Variants in AR observed in about 807,000 individuals in gnomAD.
The protein encoded by AR is androgen receptor.
AR carries 8 observed loss-of-function variants against 53.9 expected under a neutral mutation model. That is an observed-to-expected ratio of 0.15 (90% CI 0.09 to 0.27). The LOEUF (loss-of-function observed/expected upper bound fraction) is 0.27, where lower values mean the gene tolerates loss of function less well. Among genes scored for constraint, AR ranks in the 10% least tolerant of loss-of-function variants. AR has a pLI of 1.00. For missense variants in AR, 639 were observed against 742.5 expected, an observed-to-expected ratio of 0.86 and a Z score of 1.62; for synonymous variants, 359 against 316.4, an observed-to-expected ratio of 1.13 and a Z score of -1.43.
chrX:67,684,127 C>G (rs901431852), intron 2 of AR, among the ~76,000 whole-genome samples: 1 of 111,489 alleles, frequency 9.0e-6, no homozygotes, highest in Non-Finnish European at 1.9e-5. Context: ...TGCAGCAGTA[C>G]CAATACTGTG....
intron 2 of AR, among the ~76,000 whole-genome samples, chrX:67,672,910 C>T (rs946447951): frequency 1.8e-5 from 2 of 111,740 alleles, no homozygotes; most frequent in South Asian, 7.4e-4. Context: ...GATTAAAGAG[C>T]TCCCTTTAGC....
intron 1 of AR, among the ~76,000 whole-genome samples, chrX:67,618,464 G>C (rs1485893214): frequency 9.0e-6 from 1 of 111,009 alleles, no homozygotes; most frequent in East Asian, 2.8e-4. Context: ...AGAATGAGAG[G>C]AGAAGGAAGA....
At chrX:67,655,213 G>A (rs1926531028) in intron 2 of AR, among the ~76,000 whole-genome samples, 1 of 110,225 alleles carries the variant, frequency 9.1e-6, no homozygotes, top group Non-Finnish European at 1.9e-5. Context: ...CCAGCCAAGA[G>A]CCCTCAGGGC....
chrX:67,630,850 C>G (rs1189408540), intron 1 of AR, among the ~76,000 whole-genome samples: 2 of 109,899 alleles, frequency 1.8e-5, no homozygotes, highest in Non-Finnish European at 3.8e-5. Context: ...GACAAAATCT[C>G]TCGGCATTTG....
At chrX:67,588,205 G>A (rs1457343376) in intron 1 of AR, among the ~76,000 whole-genome samples, 1 of 111,940 alleles carries the variant, frequency 8.9e-6, no homozygotes, top group African/African-American at 3.3e-5. Context: ...GCATTGTACT[G>A]CTTCTTGTAC....
chrX:67,720,726 C>T (rs2147534098), intron 5 of AR, among the ~76,000 whole-genome samples: 1 of 111,206 alleles, frequency 9.0e-6, no homozygotes, highest in Admixed American at 9.5e-5. Flanking sequence ...CAATACCAGG[C>T]CTGCTCATCC....
chrX:67,665,436 A>G (rs1927215029), intron 2 of AR, among the ~76,000 whole-genome samples: 3 of 112,382 alleles, frequency 2.7e-5, no homozygotes, highest in African/African-American at 9.7e-5. Context: ...TATAGAAAAT[A>G]AAAATAGGAT....
In AR at chrX:67,729,155, G is replaced by C. The variant is rs1602283697; in HGVS notation, c.*5314G>C. On this transcript the variant is annotated 3_prime_UTR_variant, in exon 8 of 8. Coordinates refer to ENST00000374690, the MANE Select transcript of AR (RefSeq NM_000044.6). ...CTGGGTGTCTGTGTGCTGTAATTCT[G>C]GTTTTGGATATGTTCTGTAAAGATT... 2 of 175,717 alleles carry C rather than the reference G, an allele frequency of 1.1e-5. No individual in the cohort carries two copies. Among genetic ancestry groups the C allele is most frequent in the East Asian group, 1.6e-4 (2 of 12,405 alleles). 14.5% of individuals were successfully genotyped at this position (175,717 alleles called of 1,213,427 possible).
chrX:67,627,659 ACTTTTGGTGTTTTAGACATG>A (rs1436902365), intron 1 of AR, among the ~76,000 whole-genome samples: 3 of 110,897 alleles, frequency 2.7e-5, no homozygotes, highest in African/African-American at 6.5e-5. Flanking sequence ...GTCAATTTTG[ACTTTTGGTGTTTTAGACATG>A]CTTTTGGTGT....
At chrX:67,606,911 G>T (rs1007254789) in intron 1 of AR, among the ~76,000 whole-genome samples, 1 of 112,480 alleles carries the variant, frequency 8.9e-6, no homozygotes, top group African/African-American at 3.2e-5. Flanking sequence ...TCTGGGTATT[G>T]CAAATTCATG....
intron 1 of AR, among the ~76,000 whole-genome samples, chrX:67,621,570 C>T (rs1363212980): frequency 9.0e-6 from 1 of 110,733 alleles, no homozygotes; most frequent in Non-Finnish European, 1.9e-5. Flanking sequence ...TATGTGCTCT[C>T]ATTGTTCAGC....
At chrX:67,602,184 A>G (rs1923400830) in intron 1 of AR, among the ~76,000 whole-genome samples, 2 of 112,388 alleles carry the variant, frequency 1.8e-5, no homozygotes, top group Admixed American at 9.5e-5. Flanking sequence ...GTTTCAGAAT[A>G]ATAAACTAAG....
At chrX:67,633,575 A>G (rs1287860281) in intron 1 of AR, among the ~76,000 whole-genome samples, 2 of 112,395 alleles carry the variant, frequency 1.8e-5, no homozygotes, top group African/African-American at 6.5e-5. Context: ...AAACATGTCC[A>G]CACAAATACT....
chrX:67,641,010 A>G (rs913741639), intron 1 of AR, among the ~76,000 whole-genome samples: 2 of 111,278 alleles, frequency 1.8e-5, no homozygotes, highest in African/African-American at 6.5e-5. Flanking sequence ...TATCTCGATC[A>G]CCACTATATC....
intron 1 of AR, 93 bp downstream of exon 1, chrX:67,546,855 C>T (rs918569320): frequency 5.9e-5 from 59 of 991,853 alleles, no homozygotes; most frequent in Non-Finnish European, 7.9e-5. Flanking sequence ...TGCGCGAACA[C>T]TCAGATTGCC....
rs768052073 is a variant in AR at position 67,726,139 on chromosome X, G to A, written c.*2298G>A. The A allele has an allele frequency of 3.3e-3, 572 of 174,166 alleles. 3 individuals are homozygous for A. The highest frequency in any genetic ancestry group is 0.016 in the African/African-American group (533 of 33,948). The allele number at this position is 174,166 out of a possible 1,213,427, so 14.4% of individuals were successfully genotyped here. A position where few individuals can be genotyped will look rare whatever the true frequency, so the allele number is the denominator to read the frequency against. On this transcript the variant is annotated 3_prime_UTR_variant, in exon 8 of 8. Transcript: ENST00000374690. ...TAATAGCCAAACGAACTTCAAAACA[G>A]CTTTAAATAACAAGGGAGAGGGGAA...
intron 2 of AR, among the ~76,000 whole-genome samples, chrX:67,660,503 T>C (rs1222421135): frequency 8.9e-6 from 1 of 111,830 alleles, no homozygotes; most frequent in Non-Finnish European, 1.9e-5. Flanking sequence ...TTGTCAGGTT[T>C]GTCAAAGATC....
At position 67,719,940 on chromosome X, in the gene AR, G is replaced by C. The variant is rs760060845; in HGVS notation, c.2319-1893G>C. ...AACACCAAGCTCTATTATCAGCCCT[G>C]TTTTTTTCTTTCTTTCTCTCTTTGT... On this transcript the variant is annotated intron_variant, in intron 5 of 7. Transcript: ENST00000374690. Among the ~76,000 whole-genome samples, 11 of 112,093 alleles carry C rather than the reference G, an allele frequency of 9.8e-5. No homozygotes were observed. In the South Asian group the frequency reaches 3.0e-3, roughly 31 times the overall value.
chrX:67,669,901 C>A (rs1387078992), intron 2 of AR, among the ~76,000 whole-genome samples: 2 of 108,594 alleles, frequency 1.8e-5, no homozygotes, highest in African/African-American at 6.6e-5. Flanking sequence ...ATATCTTTTT[C>A]ATTCCTTTAT....
Sources: allele counts gnomAD v4.1 joint callset (sites outside exome capture counted in the v4.1 genomes callset), GRCh38; gene constraint gnomAD v4.1.1; transcripts MANE v1.5; gene names NCBI Gene and HGNC (gene_info 2026-07-23, HGNC 2026-07-21).